FGD3: variants seen among roughly 807,000 people sequenced by gnomAD.
FGD3 encodes FYVE, RhoGEF and PH domain containing 3.
A neutral mutation model predicts 71.8 loss-of-function variants in FGD3; 45 were observed. The ratio of observed to expected loss-of-function variants is 0.63; its 90% CI spans 0.49 to 0.80. FGD3 has a LOEUF of 0.80. Among genes scored for constraint, FGD3 ranks in the 30% least tolerant of loss-of-function variants. FGD3 has a pLI of 0.00. For synonymous variants in FGD3, 378 were observed against 392.8 expected (o/e 0.96, Z 0.44); for missense variants, 844 against 951.5 (o/e 0.89, Z 1.49).
chr9:92,996,795 G>A (rs1190347930), intron 3 of FGD3, among the ~76,000 whole-genome samples: 1 of 152,208 alleles, frequency 6.6e-6, no homozygotes, highest in African/African-American at 2.4e-5. Flanking sequence ...TTTTGAGTGA[G>A]TTTCTTAATC....
chr9:92,975,181 C>T (rs558690461), intron 1 of FGD3, 57 bp from the exon 2 acceptor site: 1 of 152,504 alleles, frequency 6.6e-6, no homozygotes, highest in Admixed American at 6.5e-5. Flanking sequence ...GGGCCTCTGG[C>T]TGCTCCAAAT....
At position 93,006,026 on chromosome 9, in the gene FGD3, A is replaced by G; in HGVS notation, c.683A>G (p.Asp228Gly). Residue 228 changes from aspartate to glycine, a missense_variant and splice_region_variant, in exon 6 of 18, where the codon GAC (aspartate) becomes GGC (glycine). Transcript: ENST00000375482. ...TGATGATTCATTTCTCCACGAAGGG[A>G]CACAAACCCACGGCTCGGGGACATC... ...ELKTRITEEW[D>G]TNPRLGDILQ... 1 of 1,601,832 alleles carries G rather than the reference A, an allele frequency of 6.2e-7. No homozygotes were observed. The highest frequency in any genetic ancestry group is 8.5e-7 in the Non-Finnish European group (1 of 1,174,062).
chr9:92,970,152 G>C (rs933171576), intron 1 of FGD3, among the ~76,000 whole-genome samples: 3 of 152,202 alleles, frequency 2.0e-5, no homozygotes, highest in African/African-American at 7.2e-5. Context: ...ACCCAAGCCC[G>C]GGGGCTTCCA....
chr9:92,996,345 T>A (rs549969206), intron 3 of FGD3, among the ~76,000 whole-genome samples: 3 of 152,258 alleles, frequency 2.0e-5, no homozygotes, highest in South Asian at 4.1e-4. Context: ...CATTTTTTAT[T>A]GCTATTTGAT....
At position 93,018,128 on chromosome 9, in the gene FGD3, C is replaced by T; in HGVS notation, c.1276-8C>T. ...GGTTTGCTTTGTTCTTTGTTCTTGC[C>T]CCTTCAGGTGCAGGATATCGTCAAG... On this transcript the variant is annotated splice_region_variant and splice_polypyrimidine_tract_variant and intron_variant, in intron 10 of 17. Coordinates refer to ENST00000375482, the MANE Select transcript of FGD3 (RefSeq NM_001083536.2). The T allele has an allele frequency of 6.2e-7, 1 of 1,613,694 alleles. No individual in the cohort carries two copies. Among genetic ancestry groups the T allele is most frequent in the African/African-American group, 1.3e-5 (1 of 74,986 alleles).
chr9:92,971,371 G>A (rs1358767740), intron 1 of FGD3, among the ~76,000 whole-genome samples: 1 of 151,928 alleles, frequency 6.6e-6, no homozygotes, highest in East Asian at 1.9e-4. Context: ...CTCTGGACAG[G>A]ATGTCTGGGG....
At position 93,035,350 on chromosome 9, in the gene FGD3, C is replaced by T. The variant is rs1421421159; in HGVS notation, c.1939C>T (p.Pro647Ser). ...LQGGSQDGRL[P>S]RTIPLPSCKL... ...TCCTCTGCTGCAGGACGGCCGGCTG[C>T]CCCGCACCATCCCTCTCCCCAGCTG... The change falls in exon 18 of 18, where the codon CCC becomes TCC. Residue 647 changes from proline (P) to serine (S), a missense_variant. Coordinates refer to ENST00000375482, the MANE Select transcript of FGD3 (RefSeq NM_001083536.2). 6.2e-7 allele frequency: 1 copy of T among 1,609,842 alleles called. No homozygotes were observed. The highest frequency in any genetic ancestry group is 8.5e-7 in the Non-Finnish European group (1 of 1,178,840).
At position 93,015,810 on chromosome 9, in the gene FGD3, T is replaced by C. The variant is rs1412693566; in HGVS notation, c.1256T>C (p.Met419Thr). 1 of 1,614,114 alleles carries C rather than the reference T, an allele frequency of 6.2e-7. No individual in the cohort carries two copies. Among genetic ancestry groups the C allele is most frequent in the Non-Finnish European group, 8.5e-7 (1 of 1,180,004 alleles). ...MGQKFSVREK[M>T]DISGLQVQDI... The stretch of plus-strand genomic sequence containing the variant: ...CAGAAGTTCAGCGTCCGGGAGAAGA[T>C]GGACATCTCAGGCCTCCAGGTGGGT... The change falls in exon 10 of 18, where the codon ATG becomes ACG. Residue 419 changes from methionine to threonine, a missense_variant. Physicochemically the swap from Met to Thr is moderately conservative, Grantham distance 81. Coordinates refer to ENST00000375482, the MANE Select transcript of FGD3 (RefSeq NM_001083536.2).
intron 1 of FGD3, among the ~76,000 whole-genome samples, chr9:92,952,094 A>C (rs1485427098): frequency 2.0e-5 from 3 of 152,136 alleles, no homozygotes; most frequent in African/African-American, 7.2e-5. Flanking sequence ...TCCATTAGAG[A>C]CCACACTTGA....
At chr9:92,961,514 T>C (rs1039440373) in intron 1 of FGD3, among the ~76,000 whole-genome samples, 1 of 152,194 alleles carries the variant, frequency 6.6e-6, no homozygotes, top group African/African-American at 2.4e-5. Context: ...GGTGGTTGCT[T>C]CTCCACTGTG....
chr9:92,978,597 C>G (rs534094397), intron 3 of FGD3, among the ~76,000 whole-genome samples: 107 of 152,096 alleles, frequency 7.0e-4, no homozygotes, highest in African/African-American at 2.5e-3. Context: ...CAGAGCCTGA[C>G]TGTAATACAT....
intron 6 of FGD3, among the ~76,000 whole-genome samples, chr9:93,007,699 C>T (rs953318391): frequency 6.6e-6 from 1 of 152,236 alleles, no homozygotes; most frequent in Non-Finnish European, 1.5e-5. Context: ...TGCATCCCCT[C>T]ATCCTAGGCA....
intron 3 of FGD3, among the ~76,000 whole-genome samples, chr9:92,982,586 CAG>C (rs1228009680): frequency 4.1e-5 from 6 of 147,524 alleles, no homozygotes; most frequent in African/African-American, 1.5e-4. Context: ...TTTTTGGAGA[CAG>C]AGTCTTGCTC....
At chr9:93,033,432 C>G (rs988363132) in intron 16 of FGD3, 1 of 173,334 alleles carries the variant, frequency 5.8e-6, no homozygotes, top group African/African-American at 2.4e-5. Context: ...TGCTCCTTCT[C>G]CTCCCCGTAC....
At position 93,012,695 on chromosome 9, in the gene FGD3, G is replaced by C. The variant is rs76371741; in HGVS notation, c.1036-1157G>C. Among the ~76,000 whole-genome samples the C allele has an allele frequency of 2.6e-4, 35 of 133,364 alleles. 2 individuals carry two copies. The South Asian group carries it at 2.9e-3, about 11-fold the overall frequency. The allele number at this position is 133,364 out of a possible 152,430, so 87.5% of individuals were successfully genotyped here. ...CCAGGTGTGGGCGGTGGCGGGGTGT[G>C]GGGGGGGGAAGAATCAATCTACATA... On this transcript the variant is annotated intron_variant, in intron 8 of 17. Transcript: ENST00000375482.
intron 9 of FGD3, among the ~76,000 whole-genome samples, chr9:93,014,660 AAGAC>A (rs1193867879): frequency 1.3e-5 from 2 of 152,018 alleles, no homozygotes; most frequent in Non-Finnish European, 2.9e-5. Context: ...TTTTGTTTTT[AAGAC>A]AGAGTCTCGC....
intron 1 of FGD3, among the ~76,000 whole-genome samples, chr9:92,953,206 T>C (rs987866863): frequency 3.9e-5 from 6 of 152,196 alleles, no homozygotes; most frequent in African/African-American, 7.2e-5. Context: ...TATTTACACA[T>C]TGATAATTTT....
At chr9:93,034,401 C>A in intron 16 of FGD3, 140 bp from the exon 17 acceptor site, 1 of 1,171,776 alleles carries the variant, frequency 8.5e-7, no homozygotes, top group East Asian at 2.6e-5. Flanking sequence ...GAGGCTGGTC[C>A]CAGTCTCTGT....
At chr9:92,948,983 G>A (rs1456584202) in intron 1 of FGD3, among the ~76,000 whole-genome samples, 1 of 152,218 alleles carries the variant, frequency 6.6e-6, no homozygotes, top group Non-Finnish European at 1.5e-5. Flanking sequence ...AGGTTGGGCT[G>A]GGACTGGAGG....
Sources: allele counts gnomAD v4.1 joint callset (sites outside exome capture counted in the v4.1 genomes callset), GRCh38; gene constraint gnomAD v4.1.1; transcripts MANE v1.5; gene names NCBI Gene and HGNC (gene_info 2026-07-23, HGNC 2026-07-21).